The following CTCFL variants were observed in gnomAD, a reference collection of about 807,000 sequenced individuals.
The protein encoded by CTCFL is CCCTC-binding factor like.
Under a neutral mutation model 67.4 loss-of-function variants are expected in CTCFL, and 36 were observed. That is an observed-to-expected ratio of 0.53 (90% confidence interval 0.41 to 0.71). The LOEUF (loss-of-function observed/expected upper bound fraction) is 0.71. Among genes scored for constraint, CTCFL ranks in the 30% least tolerant of loss-of-function variants. The pLI, the probability that CTCFL is intolerant of heterozygous loss-of-function variation, is 0.00. For missense variants in CTCFL, 786 were observed against 835.2 expected (o/e 0.94, Z 0.73); for synonymous variants, 324 against 302.3 (o/e 1.07, Z -0.75).
chr20:57,508,905 G>A, intron 8 of CTCFL, 117 bp from the exon 9 acceptor site: 1 of 926,328 alleles, frequency 1.1e-6, no homozygotes. Context: ...CCACTATTAA[G>A]CAGAATTACT....
rs895007293 is a variant in CTCFL at position 57,498,180 on chromosome 20, T to C, written c.*370A>G. ...CTATTTTGAAATATCCAAAAATCAC[T>C]ACTCACTCATTGTGGGCCACCTTGC... On this transcript the variant is annotated 3_prime_UTR_variant, in exon 11 of 11. Coordinates refer to ENST00000243914, the MANE Select transcript of CTCFL (RefSeq NM_001386993.1). The C allele has an allele frequency of 2.0e-6, 2 of 996,410 alleles. No individual in the cohort carries two copies. The highest frequency in any genetic ancestry group is 3.5e-5 in the African/African-American group (2 of 57,536). The allele number at this position is 996,410 out of a possible 1,614,324, so 61.7% of individuals were successfully genotyped here.
intron 8 of CTCFL, 119 bp from the exon 9 acceptor site, chr20:57,508,907 A>G: frequency 1.1e-6 from 1 of 900,732 alleles, no homozygotes; most frequent in Admixed American, 2.8e-5. Context: ...ACTATTAAGC[A>G]GAATTACTGC....
At chr20:57,520,642 G>A (rs957299642) in intron 3 of CTCFL, among the ~76,000 whole-genome samples, 3 of 152,048 alleles carry the variant, frequency 2.0e-5, no homozygotes, top group Non-Finnish European at 4.4e-5. Flanking sequence ...AACAATCCAA[G>A]CTATATTAAC....
rs141091113 is a variant in CTCFL, at chr20:57,523,295, A to G, written c.544-17T>C. 4.0e-3 allele frequency: 6,374 copies of G among 1,602,496 alleles called. 20 individuals are homozygous for G. The highest frequency in any genetic ancestry group is 4.8e-3 in the Non-Finnish European group (5,586 of 1,171,376). On this transcript the variant is annotated splice_polypyrimidine_tract_variant and intron_variant, in intron 2 of 10. Transcript: ENST00000243914. ...TTCCTCGAGCTAATAAACAACAAAT[A>G]TTCAAATATGATACTATTGATTTCA...
At chr20:57,507,019 A>G in intron 9 of CTCFL, 2 of 985,534 alleles carry the variant, frequency 2.0e-6, no homozygotes, top group Non-Finnish European at 2.4e-6. Context: ...AACTTTTATA[A>G]AACTTTTATA....
chr20:57,502,333 T>C (rs2067960343), intron 10 of CTCFL, among the ~76,000 whole-genome samples: 1 of 152,048 alleles, frequency 6.6e-6, no homozygotes, highest in Non-Finnish European at 1.5e-5. Context: ...TCTACCCGAG[T>C]TTCAGATACA....
intron 9 of CTCFL, chr20:57,507,449 T>C (rs760792089): frequency 6.3e-6 from 4 of 639,906 alleles, no homozygotes; most frequent in Non-Finnish European, 1.1e-5. Context: ...CCACCTGCCT[T>C]GGCCTCCCGA....
intron 9 of CTCFL, 130 bp downstream of exon 9, chr20:57,508,476 G>A: frequency 1.2e-6 from 1 of 826,458 alleles, no homozygotes; most frequent in East Asian, 2.6e-5. Flanking sequence ...ACTTTCCTAA[G>A]GCATGACAGA....
chr20:57,516,672 G>C (rs1015562620), intron 5 of CTCFL, among the ~76,000 whole-genome samples: 5 of 152,230 alleles, frequency 3.3e-5, no homozygotes, highest in Non-Finnish European at 5.9e-5. Context: ...AGTGGAGGAA[G>C]GTGTCCCTGG....
chr20:57,505,114 A>G (rs182533178), intron 9 of CTCFL, among the ~76,000 whole-genome samples: 1 of 152,002 alleles, frequency 6.6e-6, no homozygotes, highest in Admixed American at 6.6e-5. Flanking sequence ...TGTGGGTAGC[A>G]TGCACCTTTG....
At chr20:57,519,995 TACTGAACAGGGCAG>T (rs1168835975) in intron 3 of CTCFL, among the ~76,000 whole-genome samples, 1 of 152,186 alleles carries the variant, frequency 6.6e-6, no homozygotes, top group African/African-American at 2.4e-5. Context: ...GTGGCCACCG[TACTGAACAGGGCAG>T]ATAAAGACCA....
Position 57,514,757 on chromosome 20 carries a change from C to G in CTCFL, c.1181-16G>C, listed in dbSNP as rs774720975. On this transcript the variant is annotated splice_polypyrimidine_tract_variant and intron_variant, in intron 6 of 10. Transcript: ENST00000243914. ...GGCTTCTCACCTGAGATGCAGACAACAAAGTGATTCCCCCTCCAGGCCTGA... is the reference window on the plus strand; with the variant it reads ...GGCTTCTCACCTGAGATGCAGACAAGAAAGTGATTCCCCCTCCAGGCCTGA... 1 of 1,612,326 alleles carries G rather than the reference C, an allele frequency of 6.2e-7. No homozygotes were observed. The highest frequency in any genetic ancestry group is 1.7e-5 in the Admixed American group (1 of 59,888).
chr20:57,520,436 A>T (rs1376741018), intron 3 of CTCFL, among the ~76,000 whole-genome samples: 7 of 152,200 alleles, frequency 4.6e-5, no homozygotes, highest in African/African-American at 1.7e-4. Context: ...CCTCCATAAA[A>T]GCAATGAAAA....
chr20:57,496,527 C>A (rs2067726190), downstream of CTCFL, among the ~76,000 whole-genome samples: 1 of 152,126 alleles, frequency 6.6e-6, no homozygotes. Context: ...TGTTGTGTGG[C>A]CATCACCATG....
At chr20:57,507,482 G>A in intron 9 of CTCFL, 3 of 671,496 alleles carry the variant, frequency 4.5e-6, no homozygotes. Flanking sequence ...ACAGGTGTGA[G>A]CCCCCACAGC....
In CTCFL at chr20:57,512,724, G is replaced by A. The variant is rs769742387; in HGVS notation, c.1359C>T (p.Tyr453=). Residue 453 remains tyrosine (Y), a synonymous_variant, in exon 8 of 11, where the codon TAC becomes TAT. Coordinates refer to ENST00000243914, the MANE Select transcript of CTCFL (RefSeq NM_001386993.1). ...LRVHMRNLHA[Y]SAAELKCRYC... is the part of the protein sequence containing the mutation. ...AGCGGCATTTCAGCTCTGCAGCGCT[G>A]TAAGCATGCAAGTTGCGCATATGCA... is the stretch of plus-strand genomic sequence containing the variant. 6.2e-7 allele frequency: 1 copy of A among 1,614,204 alleles called. No individual in the cohort carries two copies. Among genetic ancestry groups the A allele is most frequent in the South Asian group, 1.1e-5 (1 of 91,084 alleles).
chr20:57,523,613 T>G lies in CTCFL; in HGVS notation c.543+50A>C, dbSNP rs1035050775. Reference sequence around the variant, plus strand: ...ACATAATATTGCATAAAAGCCGACTTGAATTTTTTCTTTTTCATGTAAGGG... The same window carrying G: ...ACATAATATTGCATAAAAGCCGACTGGAATTTTTTCTTTTTCATGTAAGGG... On this transcript the variant is annotated intron_variant, in intron 2 of 10. Coordinates refer to ENST00000243914, the MANE Select transcript of CTCFL (RefSeq NM_001386993.1). The G allele has an allele frequency of 1.9e-6, 3 of 1,563,958 alleles. No individual in the cohort carries two copies. In the East Asian group the frequency reaches 6.7e-5, roughly 35 times the overall value.
chr20:57,498,965 G>T (rs1213482525), intron 10 of CTCFL, among the ~76,000 whole-genome samples: 3 of 151,084 alleles, frequency 2.0e-5, no homozygotes, highest in Non-Finnish European at 4.4e-5. Flanking sequence ...ACTGTAGGAT[G>T]TTAGCAGCGA....
At chr20:57,500,002 T>C in intron 10 of CTCFL, 1 of 986,422 alleles carries the variant, frequency 1.0e-6, no homozygotes. Context: ...TTCCCAAACA[T>C]CCACAGAGCG....
Sources: gnomAD v4.1 joint callset for allele counts (sites outside exome capture counted in the v4.1 genomes callset) on GRCh38, gnomAD v4.1.1 for gene constraint, MANE v1.5 for transcripts, NCBI Gene and HGNC (gene_info 2026-07-23, HGNC 2026-07-21) for gene names.